Variants in PLXND1 observed in about 807,000 individuals in gnomAD.
PLXND1 encodes plexin-D1.
PLXND1 carries 54 observed loss-of-function variants against 197.7 expected under a neutral mutation model. The observed-to-expected ratio is 0.27, with a 90% CI of 0.22 to 0.34. The LOEUF (loss-of-function observed/expected upper bound fraction) is 0.34, where lower values mean the gene tolerates loss of function less well. Among genes scored for constraint, PLXND1 ranks in the 10% least tolerant of loss-of-function variants. The pLI is 1.00. For synonymous variants in PLXND1, 1,180 were observed against 1,161.2 expected (o/e 1.02, Z -0.33); for missense variants, 2,127 against 2,699.2 (o/e 0.79, Z 4.70).
At position 129,577,232 on chromosome 3, in the gene PLXND1, T is replaced by C. The variant is rs936325415; in HGVS notation, c.2346+1097A>G. Reference sequence around the variant, plus strand: ...GCAAACAGGCCCCCACCGCTGGGCCTGACTTCAGTGTTCTAGGAGCAGGCC... The same window carrying C: ...GCAAACAGGCCCCCACCGCTGGGCCCGACTTCAGTGTTCTAGGAGCAGGCC... On this transcript the variant is annotated intron_variant, in intron 9 of 35. Transcript: ENST00000324093. This position sits in a 1 kb window ranked among gnomAD's most constrained non-coding sequence, Gnocchi z 5.0. 2.6e-5 allele frequency among the ~76,000 whole-genome samples: 4 copies of C among 152,242 alleles called. No homozygotes were observed. Among genetic ancestry groups the C allele is most frequent in the Admixed American group, 6.5e-5 (1 of 15,312 alleles).
Position 129,584,194 on chromosome 3 carries a change from C to G in PLXND1, c.2069G>C (p.Arg690Pro). The change falls in exon 7 of 36, where the codon CGG (arginine) becomes CCG (proline). Residue 690 changes from arginine (R) to proline (P), a missense_variant. Transcript: ENST00000324093. ...GGTGAAATTGGCCTTGACGATGTTC[C>G]GCCCATTGACCCTCACAGACATCTC... is the stretch of plus-strand genomic sequence containing the variant. ...TVEMSVRVNG[R>P]NIVKANFTIY... The G allele has an allele frequency of 6.3e-7, 1 of 1,588,124 alleles. No individual in the cohort carries two copies. Among genetic ancestry groups the G allele is most frequent in the Non-Finnish European group, 8.6e-7 (1 of 1,165,926 alleles).
In PLXND1 at chr3:129,571,162, C is replaced by T. The variant is rs755627919; in HGVS notation, c.3478G>A (p.Glu1160Lys). ...AACCTGCTGCCCCGCTGTGCCTCCT[C>T]GGGGTCCAGTAGCTCCTCAGCCACA... Reference protein sequence around the residue: ...VAVAEELLDPEEAQRGSRFRL... With the variant: ...VAVAEELLDPKEAQRGSRFRL... Residue 1160 changes from glutamate (E) to lysine (K), a missense_variant, in exon 18 of 36, where the codon GAG becomes AAG. Glu to Lys is a moderately conservative substitution (Grantham distance 56, BLOSUM62 1). Coordinates refer to ENST00000324093, the MANE Select transcript of PLXND1 (RefSeq NM_015103.3). The T allele has an allele frequency of 1.6e-5, 26 of 1,614,208 alleles. No individual in the cohort carries two copies. Among genetic ancestry groups the T allele is most frequent in the East Asian group, 1.6e-4 (7 of 44,888 alleles).
In PLXND1 at chr3:129,565,478, G is replaced by A. The variant is rs201738758; in HGVS notation, c.4383C>T (p.Ser1461=). 148 of 1,613,858 alleles carry A rather than the reference G, an allele frequency of 9.2e-5. No individual in the cohort carries two copies. The highest frequency in any genetic ancestry group is 2.2e-5 in the Non-Finnish European group (26 of 1,180,000). The stretch of plus-strand genomic sequence containing the variant: ...GGTCCACCAGCAGCTCCTTCATGAT[G>A]CTGGTGTAGTACTCCAGCTTGCCGT... ...ALHGKLEYYT[S]IMKELLVDLI... Residue 1461 remains serine, a synonymous_variant, in exon 25 of 36, where the codon AGC becomes AGT. Transcript: ENST00000324093.
chr3:129,596,912 A>G (rs1339927483), intron 1 of PLXND1, among the ~76,000 whole-genome samples: 2 of 152,218 alleles, frequency 1.3e-5, no homozygotes, highest in African/African-American at 2.4e-5. Flanking sequence ...AGCTGGGGAC[A>G]CAGAGGTGAC....
intron 25 of PLXND1, among the ~76,000 whole-genome samples, chr3:129,563,688 C>G (rs2085096733): frequency 6.6e-6 from 1 of 152,176 alleles, no homozygotes; most frequent in Non-Finnish European, 1.5e-5. Flanking sequence ...CACTTGCAGG[C>G]TGATGACTAT....
intron 1 of PLXND1, among the ~76,000 whole-genome samples, chr3:129,603,979 C>T (rs1004022594): frequency 6.6e-6 from 1 of 152,112 alleles, no homozygotes; most frequent in Non-Finnish European, 1.5e-5. Flanking sequence ...CCTCATTCCT[C>T]AGGGTGAACT....
At chr3:129,567,925 C>A (rs1395508218) in intron 20 of PLXND1, 120 bp from the exon 21 acceptor site, 2 of 545,972 alleles carry the variant, frequency 3.7e-6, no homozygotes, top group Non-Finnish European at 6.5e-6. Flanking sequence ...GGAGGCCCTG[C>A]AGTCCTCCCT....
At position 129,559,694 on chromosome 3, in the gene PLXND1, G is replaced by T. The variant is rs776264739; in HGVS notation, c.5223C>A (p.Phe1741Leu). Reference protein sequence around the residue: ...DKPPLAVKYFFDFLEEQAEKR... With the variant: ...DKPPLAVKYFLDFLEEQAEKR... Reference sequence around the variant, plus strand: ...TCTCAGCCTGCTCCTCCAGGAAGTCGAAAAAGTACTTGACAGCCAGTGGGG... The same window carrying T: ...TCTCAGCCTGCTCCTCCAGGAAGTCTAAAAAGTACTTGACAGCCAGTGGGG... Residue 1741 changes from phenylalanine (F) to leucine (L), a missense_variant, in exon 32 of 36, where the codon TTC becomes TTA. Phe to Leu is a conservative substitution (Grantham distance 22). Around this residue, in one of 6 missense-constraint regions of PLXND1, gnomAD observed 200 missense variants for 303.3 expected, o/e 0.66. Coordinates refer to ENST00000324093, the MANE Select transcript of PLXND1 (RefSeq NM_015103.3). 6.2e-7 allele frequency: 1 copy of T among 1,613,314 alleles called. No homozygotes were observed. Among genetic ancestry groups the T allele is most frequent in the Non-Finnish European group, 8.5e-7 (1 of 1,179,686 alleles).
intron 1 of PLXND1, among the ~76,000 whole-genome samples, chr3:129,604,775 G>A (rs2085759563): frequency 1.3e-5 from 2 of 152,218 alleles, no homozygotes; most frequent in African/African-American, 4.8e-5. Flanking sequence ...TGTCTGTGCA[G>A]TACACCTGTC....
chr3:129,567,450 G>C, intron 22 of PLXND1, 42 bp downstream of exon 22: 1 of 1,204,134 alleles, frequency 8.3e-7, no homozygotes, highest in Non-Finnish European at 1.2e-6. Context: ...TTGCCTTGAG[G>C]TGGCTGGCAC....
At chr3:129,563,842 G>T (rs899102502) in intron 25 of PLXND1, among the ~76,000 whole-genome samples, 1 of 152,166 alleles carries the variant, frequency 6.6e-6, no homozygotes, top group Non-Finnish European at 1.5e-5. Flanking sequence ...TGTTCCACTG[G>T]GATAGTTTTA....
intron 1 of PLXND1, among the ~76,000 whole-genome samples, chr3:129,593,690 G>C (rs912356970): frequency 6.6e-6 from 1 of 152,232 alleles, no homozygotes; most frequent in Non-Finnish European, 1.5e-5. Context: ...AGAGCAACAC[G>C]GCCATGCTGG....
intron 2 of PLXND1, among the ~76,000 whole-genome samples, chr3:129,588,710 G>A (rs1351939888): frequency 6.6e-6 from 1 of 152,264 alleles, no homozygotes. Flanking sequence ...AGGAGAGATG[G>A]CTGGGTTGGG....
chr3:129,587,446 T>C (rs2085478369), intron 2 of PLXND1, among the ~76,000 whole-genome samples: 1 of 152,206 alleles, frequency 6.6e-6, no homozygotes, highest in Non-Finnish European at 1.5e-5. Context: ...ACCCTCTGCG[T>C]GTCCTCCTGA....
intron 1 of PLXND1, among the ~76,000 whole-genome samples, chr3:129,591,183 G>A (rs2085535499): frequency 6.6e-6 from 1 of 152,232 alleles, no homozygotes; most frequent in Non-Finnish European, 1.5e-5. Flanking sequence ...GGGATGCCCT[G>A]GACCAACATA....
At chr3:129,603,650 C>T (rs1055386365) in intron 1 of PLXND1, among the ~76,000 whole-genome samples, 2 of 152,222 alleles carry the variant, frequency 1.3e-5, no homozygotes, top group African/African-American at 4.8e-5. Flanking sequence ...CCTTTACTTT[C>T]AGGGTGGCCG....
In PLXND1 at chr3:129,605,386, C is replaced by T; in HGVS notation, c.1254G>A (p.Val418=). ...FVEPAPDVVA[V]LDSVVQGTGP... ...CCGTGCCCTGCACCACGCTGTCGAGCACCGCCACCACGTCGGGCGCCGGTT... is the reference window on the plus strand; with the variant it reads ...CCGTGCCCTGCACCACGCTGTCGAGTACCGCCACCACGTCGGGCGCCGGTT... The change falls in exon 1 of 36, where the codon GTG becomes GTA. Residue 418 remains valine (V), a synonymous_variant. Transcript: ENST00000324093. The T allele has an allele frequency of 6.7e-7, 1 of 1,501,376 alleles. No individual in the cohort carries two copies. The highest frequency in any genetic ancestry group is 8.8e-7 in the Non-Finnish European group (1 of 1,133,190). The allele number at this position is 1,501,376 out of a possible 1,614,324, so 93.0% of individuals were successfully genotyped here.
Position 129,558,598 on chromosome 3 carries a change from C to T in PLXND1, c.5298-23G>A. On this transcript the variant is annotated intron_variant, in intron 32 of 35. Transcript: ENST00000324093. This position sits in a 1 kb window ranked among gnomAD's most constrained non-coding sequence, Gnocchi z 4.1. The stretch of plus-strand genomic sequence containing the variant: ...AGGCTGTGGGGTAGGGTGACAAAGA[C>T]AGTGAGGGTAGGGTGGGGTAGGAAG... The T allele has an allele frequency of 2.5e-6, 4 of 1,611,574 alleles. No homozygotes were observed. Among genetic ancestry groups the T allele is most frequent in the Non-Finnish European group, 3.4e-6 (4 of 1,178,542 alleles).
intron 1 of PLXND1, among the ~76,000 whole-genome samples, chr3:129,604,127 C>A (rs1321892176): frequency 6.6e-6 from 1 of 152,144 alleles, no homozygotes; most frequent in African/African-American, 2.4e-5. Context: ...GTCAACCTGG[C>A]CCCCCTTGCT....
Sources: gnomAD v4.1 joint callset for allele counts (sites outside exome capture counted in the v4.1 genomes callset) on GRCh38, gnomAD v4.1.1 for gene constraint, gnomAD v4.1.1 regional missense constraint, Gnocchi (gnomAD v3.1) non-coding constraint, MANE v1.5 for transcripts, NCBI Gene and HGNC (gene_info 2026-07-23, HGNC 2026-07-21) for gene names.